HECW1: variants seen among roughly 807,000 people sequenced by gnomAD.
HECW1 encodes E3 ubiquitin-protein ligase HECW1.
HECW1 carries 61 observed loss-of-function variants against 182.3 expected under a neutral mutation model. That is an observed-to-expected ratio of 0.33 (90% CI 0.27 to 0.41). The LOEUF (loss-of-function observed/expected upper bound fraction) is 0.41. HECW1 is among the 10% of genes least tolerant of loss of function. HECW1 has a pLI of 1.00. For missense variants in HECW1, 1,739 were observed against 2,108.9 expected (o/e 0.82, Z 3.44); for synonymous variants, 859 against 832.6 (o/e 1.03, Z -0.55).
chr7:43,137,283 G>C (rs1787647258), intron 2 of HECW1, among the ~76,000 whole-genome samples: 1 of 152,100 alleles, frequency 6.6e-6, no homozygotes, highest in South Asian at 2.1e-4. Context: ...CCTCAGTCAT[G>C]CTACCCTTAG....
At chr7:43,172,243 G>A (rs1056709315) in intron 2 of HECW1, among the ~76,000 whole-genome samples, 2 of 151,886 alleles carry the variant, frequency 1.3e-5, no homozygotes, top group Non-Finnish European at 2.9e-5. Context: ...GCAGTGAGCC[G>A]AGATTGCGCC....
At position 43,340,141 on chromosome 7, in the gene HECW1, A is replaced by T. The variant is rs542055935; in HGVS notation, c.460+19399A>T. On this transcript the variant is annotated intron_variant, in intron 5 of 29. Coordinates refer to ENST00000395891, the MANE Select transcript of HECW1 (RefSeq NM_015052.5). Reference sequence around the variant, plus strand: ...AAACATTTTGTTTTAAAATCAGCTTACTTAGTTAGCTGTAGAAGCATTCAT... The same window carrying T: ...AAACATTTTGTTTTAAAATCAGCTTTCTTAGTTAGCTGTAGAAGCATTCAT... Among the ~76,000 whole-genome samples the T allele has an allele frequency of 2.0e-5, 3 of 151,944 alleles. No homozygotes were observed. The East Asian group carries it at 5.8e-4, about 29-fold the overall frequency.
intron 8 of HECW1, among the ~76,000 whole-genome samples, chr7:43,430,418 C>A (rs2076508214): frequency 6.6e-6 from 1 of 152,168 alleles, no homozygotes; most frequent in African/African-American, 2.4e-5. Context: ...AGTTTATTGT[C>A]ACACAAAAAG....
chr7:43,251,373 G>A (rs1480898445), intron 3 of HECW1, among the ~76,000 whole-genome samples: 2 of 151,964 alleles, frequency 1.3e-5, no homozygotes, highest in Admixed American at 6.6e-5. Context: ...GCGATAGCGC[G>A]GCCTTGGCTC....
intron 19 of HECW1, among the ~76,000 whole-genome samples, chr7:43,495,117 AT>A (rs1054355805): frequency 1.8e-4 from 27 of 151,954 alleles, no homozygotes; most frequent in African/African-American, 6.3e-4. Context: ...TTTGTTTTTA[AT>A]TTTTTTTATT....
chr7:43,463,723 C>T lies in HECW1; in HGVS notation c.2715C>T (p.Ser905=). Reference sequence around the variant, plus strand: ...CCGAAGAAGATTCTGGCAGCCAAAGCTGCGAGCAAGCCCCAGCAGGAGGAG... The same window carrying T: ...CCGAAGAAGATTCTGGCAGCCAAAGTTGCGAGCAAGCCCCAGCAGGAGGAG... ...ERSEEDSGSQ[S]CEQAPAGGGG... Residue 905 remains serine (S), a synonymous_variant, in exon 14 of 30, where the codon AGC becomes AGT. Coordinates refer to ENST00000395891, the MANE Select transcript of HECW1 (RefSeq NM_015052.5). 1 of 1,613,996 alleles carries T rather than the reference C, an allele frequency of 6.2e-7. No individual in the cohort carries two copies. Among genetic ancestry groups the T allele is most frequent in the Non-Finnish European group, 8.5e-7 (1 of 1,179,990 alleles).
intron 2 of HECW1, among the ~76,000 whole-genome samples, chr7:43,224,562 T>A (rs1025043589): frequency 6.6e-6 from 1 of 152,224 alleles, no homozygotes; most frequent in Non-Finnish European, 1.5e-5. Context: ...GGCTCACGCC[T>A]GTAATCACAG....
intron 7 of HECW1, among the ~76,000 whole-genome samples, chr7:43,400,995 C>T (rs1300091661): frequency 2.6e-5 from 4 of 152,164 alleles, no homozygotes; most frequent in Non-Finnish European, 4.4e-5. Context: ...GCTCTTCCTG[C>T]CTCCATCTGA....
chr7:43,257,882 T>C (rs956776847), intron 3 of HECW1, among the ~76,000 whole-genome samples: 3 of 152,228 alleles, frequency 2.0e-5, no homozygotes, highest in African/African-American at 7.2e-5. Context: ...TGGGATAACA[T>C]GGGTGAAGCA....
intron 7 of HECW1, among the ~76,000 whole-genome samples, chr7:43,398,633 A>G (rs549356899): frequency 6.6e-6 from 1 of 152,294 alleles, no homozygotes; most frequent in East Asian, 1.9e-4. Context: ...AAAAGAAGAA[A>G]AAACTTGTAA....
At chr7:43,308,672 A>C (rs1223407874) in intron 3 of HECW1, among the ~76,000 whole-genome samples, 1 of 150,076 alleles carries the variant, frequency 6.7e-6, no homozygotes, top group Non-Finnish European at 1.5e-5. Flanking sequence ...GTTGCCCAGG[A>C]GTGCAGTGGC....
chr7:43,361,080 G>A, intron 6 of HECW1, 100 bp downstream of exon 6: 3 of 717,486 alleles, frequency 4.2e-6, no homozygotes, highest in East Asian at 5.4e-5. Context: ...GTGTGTGTGT[G>A]TGTGTGTGTA....
chr7:43,262,921 G>A (rs1256551717), intron 3 of HECW1, among the ~76,000 whole-genome samples: 1 of 152,116 alleles, frequency 6.6e-6, no homozygotes, highest in African/African-American at 2.4e-5. Flanking sequence ...GTACAAGGAG[G>A]TCGCTTCCAC....
chr7:43,339,373 G>T (rs1812677787), intron 5 of HECW1, among the ~76,000 whole-genome samples: 1 of 151,852 alleles, frequency 6.6e-6, no homozygotes, highest in Non-Finnish European at 1.5e-5. Context: ...CCCTCTTTCT[G>T]CTCTACCTGA....
Position 43,452,506 on chromosome 7 carries a change from A to T in HECW1, c.2500+1577A>T, listed in dbSNP as rs543686746. Among the ~76,000 whole-genome samples the T allele has an allele frequency of 3.9e-5, 6 of 152,362 alleles. No individual in the cohort carries two copies. The East Asian group carries it at 1.2e-3, about 29-fold the overall frequency. On this transcript the variant is annotated intron_variant, in intron 12 of 29. Coordinates refer to ENST00000395891, the MANE Select transcript of HECW1 (RefSeq NM_015052.5). ...TGAATCCTACCAACTGAATATTGTT[A>T]AATAATCTCAAATAGTACAAGAATT...
intron 5 of HECW1, among the ~76,000 whole-genome samples, chr7:43,359,869 G>A (rs1252416971): frequency 6.6e-6 from 1 of 152,064 alleles, no homozygotes; most frequent in South Asian, 2.1e-4. Context: ...TAAATTTTAA[G>A]AAAACAAATC....
chr7:43,152,012 G>A (rs922348888), intron 2 of HECW1, among the ~76,000 whole-genome samples: 15 of 152,096 alleles, frequency 9.9e-5, no homozygotes, highest in African/African-American at 3.6e-4. Flanking sequence ...AGATGGGAGA[G>A]ATCAACCTAA....
At chr7:43,420,403 A>G (rs534121532) in intron 8 of HECW1, among the ~76,000 whole-genome samples, 1 of 152,360 alleles carries the variant, frequency 6.6e-6, no homozygotes, top group South Asian at 2.1e-4. Flanking sequence ...TTTCCTTAGA[A>G]CCAAGAACAA....
intron 2 of HECW1, chr7:43,240,106 G>C (rs1453768936): frequency 6.6e-6 from 1 of 152,248 alleles, no homozygotes; most frequent in Non-Finnish European, 1.5e-5. Context: ...ACTTTGGGAG[G>C]CCGAGGCGGG....
Sources: gnomAD v4.1 joint callset for allele counts (sites outside exome capture counted in the v4.1 genomes callset) on GRCh38, gnomAD v4.1.1 for gene constraint, MANE v1.5 for transcripts, NCBI Gene and HGNC (gene_info 2026-07-23, HGNC 2026-07-21) for gene names.